SV2C: variants seen among roughly 807,000 people sequenced by gnomAD.
SV2C encodes solute carrier family 22 member B3.
A neutral mutation model predicts 79.7 loss-of-function variants in SV2C; 49 were observed. That is an observed-to-expected ratio of 0.61 (90% CI 0.49 to 0.78). The LOEUF is 0.78. SV2C is among the 30% of genes least tolerant of loss of function. The pLI is 0.00. For missense variants in SV2C, 833 were observed against 912.9 expected, an observed-to-expected ratio of 0.91 and a Z score of 1.13; for synonymous variants, 334 against 333.2, an observed-to-expected ratio of 1.00 and a Z score of -0.03.
rs1219926601 is a variant in SV2C at position 76,120,946 on chromosome 5, A to G, written c.-101-10704A>G. Among the ~76,000 whole-genome samples the G allele has an allele frequency of 5.2e-3, 789 of 151,010 alleles. 5 individuals carry two copies. Among genetic ancestry groups the G allele is most frequent in the African/African-American group, 0.018 (734 of 40,730 alleles). ...TAGATCCCTGAGGAATCGCCACACT[A>G]ACTTCCACAATGGTTGAACTAGTTT... On this transcript the variant is annotated intron_variant, in intron 1 of 12. Coordinates refer to ENST00000502798, the MANE Select transcript of SV2C (RefSeq NM_014979.4).
At chr5:75,990,587 T>C in the SV2C span, among the ~76,000 whole-genome samples, 1 of 151,690 alleles carries the variant, frequency 6.6e-6, no homozygotes, top group Non-Finnish European at 1.5e-5. Context: ...TTTCAGAGAG[T>C]GTGAAGGGGA....
At chr5:76,082,050 G>GT (rs1034090323), upstream of SV2C, 36 of 152,298 alleles carry the variant, frequency 2.4e-4, no homozygotes, top group Non-Finnish European at 5.0e-4. Flanking sequence ...AGATGTGTGT[G>GT]TTTGAGTTCC....
chr5:76,071,462 G>C, the SV2C span, among the ~76,000 whole-genome samples: 2 of 152,056 alleles, frequency 1.3e-5, no homozygotes, highest in East Asian at 3.9e-4. Flanking sequence ...CTTGGGACTG[G>C]GAGTTGAGTG....
rs937264225 is a variant in SV2C at position 76,175,779 on chromosome 5, G to T, written c.581-19140G>T. ...TAAAAGCTAACCATACAACCCAAGG[G>T]TTTAACAAGTCAGAGTCTGTTTGGG... On this transcript the variant is annotated intron_variant, in intron 2 of 12. Transcript: ENST00000502798. Among the ~76,000 whole-genome samples, 6 of 152,252 alleles carry T rather than the reference G, an allele frequency of 3.9e-5. No homozygotes were observed. In the East Asian group the frequency reaches 5.8e-4, roughly 15 times the overall value.
chr5:76,222,818 GA>G (rs993112817), intron 4 of SV2C, among the ~76,000 whole-genome samples: 48 of 152,244 alleles, frequency 3.2e-4, no homozygotes, highest in African/African-American at 1.1e-3. Context: ...ATTTTGGGGG[GA>G]AAAACAACAG....
At chr5:75,995,992 A>T in the SV2C span, among the ~76,000 whole-genome samples, 1 of 152,074 alleles carries the variant, frequency 6.6e-6, no homozygotes, top group African/African-American at 2.4e-5. Flanking sequence ...CTCATGTGCT[A>T]TATGAGAGTG....
intron 12 of SV2C, among the ~76,000 whole-genome samples, chr5:76,340,943 T>C (rs929377107): frequency 2.7e-5 from 4 of 149,872 alleles, no homozygotes; most frequent in Non-Finnish European, 4.4e-5. Context: ...TTTTTTTTTT[T>C]TTCCGAGATG....
chr5:76,110,400 CTT>C (rs1355275716), intron 1 of SV2C, among the ~76,000 whole-genome samples: 1 of 152,134 alleles, frequency 6.6e-6, no homozygotes, highest in Non-Finnish European at 1.5e-5. Flanking sequence ...GCATGAATGT[CTT>C]TGGTAAGAAT....
intron 12 of SV2C, among the ~76,000 whole-genome samples, chr5:76,318,193 G>C (rs955618061): frequency 6.6e-6 from 1 of 152,220 alleles, no homozygotes; most frequent in Non-Finnish European, 1.5e-5. Flanking sequence ...GCCGAGGCGG[G>C]CAGATCATGA....
At chr5:76,126,270 G>A (rs987779511) in intron 1 of SV2C, among the ~76,000 whole-genome samples, 10 of 152,294 alleles carry the variant, frequency 6.6e-5, no homozygotes, top group South Asian at 2.1e-4. Context: ...CATGAAAGAA[G>A]TGATTTTTGA....
At chr5:75,886,634 C>T in the SV2C span, among the ~76,000 whole-genome samples, 1 of 152,134 alleles carries the variant, frequency 6.6e-6, no homozygotes, top group Admixed American at 6.6e-5. Context: ...GGGGATTGTG[C>T]TAGACACTTA....
At chr5:76,283,993 G>A (rs1747271177) in intron 4 of SV2C, among the ~76,000 whole-genome samples, 1 of 152,024 alleles carries the variant, frequency 6.6e-6, no homozygotes, top group Non-Finnish European at 1.5e-5. Flanking sequence ...TCTGATTTTT[G>A]TTCACAAAAA....
chr5:76,005,506 A>G, the SV2C span, among the ~76,000 whole-genome samples: 1 of 152,172 alleles, frequency 6.6e-6, no homozygotes, highest in Non-Finnish European at 1.5e-5. Context: ...CCTCCCTCTA[A>G]TAATTTCATG....
At chr5:76,120,302 G>A (rs974330029) in intron 1 of SV2C, among the ~76,000 whole-genome samples, 3 of 149,542 alleles carry the variant, frequency 2.0e-5, no homozygotes, top group Admixed American at 2.0e-4. Context: ...TTTCAGCTAC[G>A]CATCAAAGAT....
the SV2C span, among the ~76,000 whole-genome samples, chr5:75,851,016 A>C: frequency 1.3e-5 from 2 of 151,954 alleles, no homozygotes; most frequent in Non-Finnish European, 2.9e-5. Flanking sequence ...GCTCTCCCCT[A>C]CTCCCACCAG....
the SV2C span, among the ~76,000 whole-genome samples, chr5:75,987,322 A>G: frequency 6.6e-6 from 1 of 151,996 alleles, no homozygotes; most frequent in Non-Finnish European, 1.5e-5. Flanking sequence ...AAATGTATAC[A>G]GAAGTCTGAT....
At chr5:76,094,056 G>A (rs1747464727) in intron 1 of SV2C, among the ~76,000 whole-genome samples, 1 of 152,098 alleles carries the variant, frequency 6.6e-6, no homozygotes, top group African/African-American at 2.4e-5. Context: ...ACCAGCCTGG[G>A]CAAAATGGTG....
chr5:76,342,885 TC>T (rs1749469467), intron 12 of SV2C, among the ~76,000 whole-genome samples: 2 of 124,006 alleles, frequency 1.6e-5, no homozygotes, highest in African/African-American at 5.3e-5. Context: ...TCTCTCTCTC[TC>T]TTTTTTTTTT....
chr5:75,939,823 G>A, the SV2C span, among the ~76,000 whole-genome samples: 3 of 152,156 alleles, frequency 2.0e-5, no homozygotes, highest in South Asian at 6.2e-4. Context: ...CAGTCCCTGT[G>A]CCTTCACTCA....
Sources: gnomAD v4.1 joint callset for allele counts (sites outside exome capture counted in the v4.1 genomes callset) on GRCh38, gnomAD v4.1.1 for gene constraint, MANE v1.5 for transcripts, NCBI Gene and HGNC (gene_info 2026-07-23, HGNC 2026-07-21) for gene names.